The following NUTM2G variants were observed in gnomAD, a reference collection of about 807,000 sequenced individuals.
The protein encoded by NUTM2G is NUT family member 2G, also known as family with sequence similarity 22, member G.
In NUTM2G, 29 loss-of-function variants were observed where a neutral mutation model predicts 44.3. That is an observed-to-expected ratio of 0.66 (90% CI 0.49 to 0.89). The LOEUF (loss-of-function observed/expected upper bound fraction) is 0.89. Ranked by LOEUF, NUTM2G falls within the 40% of genes least tolerant of loss-of-function variation. NUTM2G has a pLI of 0.00. For synonymous variants in NUTM2G, 205 were observed against 395.9 expected (o/e 0.52, Z 5.72); for missense variants, 502 against 946.5 (o/e 0.53, Z 6.16).
intron 1 of NUTM2G, 27 bp downstream of exon 1, chr9:96,929,067 C>G: frequency 6.2e-7 from 1 of 1,610,454 alleles, no homozygotes; most frequent in South Asian, 1.1e-5. Flanking sequence ...GGGGCATTAT[C>G]CTAGTCTGCC....
At chr9:96,933,909 AT>A (rs2119030605) in intron 2 of NUTM2G, 1 of 152,326 alleles carries the variant, frequency 6.6e-6, no homozygotes, top group South Asian at 2.1e-4. Context: ...TTCACCGTCA[AT>A]CCCCCCTAGA....
rs768393315 is a variant in NUTM2G at position 96,935,442 on chromosome 9, C to A, written c.828C>A (p.Tyr276Ter). 1.3e-5 allele frequency: 21 copies of A among 1,611,926 alleles called. No homozygotes were observed. Among genetic ancestry groups the A allele is most frequent in the Admixed American group, 1.0e-4 (6 of 59,998 alleles). Residue 276 changes from tyrosine (Y) to a stop codon, truncating the protein, a stop_gained, in exon 3 of 7, where the codon TAC becomes TAA. Transcript: ENST00000372322. LOFTEE classifies it high-confidence loss of function. ...HTSNFDRMIFYEMAAKFLEFE... is the reference protein window; with the variant it reads ...HTSNFDRMIF The stretch of plus-strand genomic sequence containing the variant: ...GCAACTTTGACCGGATGATTTTCTA[C>A]GAGATGGCGGCAAAGTGAGTCTGGG...
downstream of NUTM2G, chr9:96,940,003 G>C (rs1826556477): frequency 1.3e-5 from 1 of 78,282 alleles, no homozygotes; most frequent in Non-Finnish European, 2.4e-5. Context: ...CTTGCATGGA[G>C]CTCCCCCAAC....
At chr9:96,930,988 C>T (rs987086790) in intron 1 of NUTM2G, among the ~76,000 whole-genome samples, 2 of 144,168 alleles carry the variant, frequency 1.4e-5, no homozygotes, top group African/African-American at 2.5e-5. Context: ...TCTGCCTCCT[C>T]GGTTCAAGCA....
At position 96,932,358 on chromosome 9, in the gene NUTM2G, C is replaced by T. The variant is rs911779313; in HGVS notation, c.653C>T (p.Pro218Leu). 2 of 1,611,350 alleles carry T rather than the reference C, an allele frequency of 1.2e-6. No homozygotes were observed. Among genetic ancestry groups the T allele is most frequent in the African/African-American group, 1.3e-5 (1 of 74,888 alleles). Residue 218 changes from proline to leucine, a missense_variant, in exon 2 of 7, where the codon CCC becomes CTC. Pro to Leu is a moderately conservative substitution (Grantham distance 98). Transcript: ENST00000372322. ...ENFRLWQHYKPLARRHLPQSP... is the reference protein window; with the variant it reads ...ENFRLWQHYKLLARRHLPQSP... ...TTCCGACTCTGGCAGCACTACAAGC[C>T]CCTGGCCCGGAGGCACCTTCCCCAG...
At chr9:96,936,792 C>A (rs900074356) in intron 4 of NUTM2G, among the ~76,000 whole-genome samples, 6 of 152,166 alleles carry the variant, frequency 3.9e-5, no homozygotes, top group African/African-American at 1.2e-4. Context: ...CTTTCTCTCT[C>A]CCCTTGCCTG....
intron 1 of NUTM2G, among the ~76,000 whole-genome samples, chr9:96,931,346 C>T (rs1826238975): frequency 6.6e-6 from 1 of 151,696 alleles, no homozygotes; most frequent in African/African-American, 2.4e-5. Context: ...TGGGGTAGGC[C>T]CCTCACCTGC....
At chr9:96,934,365 G>A (rs1276713545) in intron 2 of NUTM2G, among the ~76,000 whole-genome samples, 2 of 151,998 alleles carry the variant, frequency 1.3e-5, no homozygotes, top group Non-Finnish European at 1.5e-5. Flanking sequence ...AGGCGGTCCC[G>A]TCTTCCTCCC....
chr9:96,940,867 T>C (rs1188536996), downstream of NUTM2G, among the ~76,000 whole-genome samples: 38 of 152,386 alleles, frequency 2.5e-4, no homozygotes, highest in Middle Eastern at 3.4e-3. Context: ...GTGGGCAGTG[T>C]CGGAGGCCTG....
downstream of NUTM2G, among the ~76,000 whole-genome samples, chr9:96,940,963 G>A (rs1826576628): frequency 6.6e-6 from 1 of 151,580 alleles, no homozygotes. Context: ...GGGAAAATGT[G>A]GGGAGTGAAG....
chr9:96,928,907 C>T lies in NUTM2G; in HGVS notation c.-118C>T. On this transcript the variant is annotated 5_prime_UTR_variant, in exon 1 of 7. Coordinates refer to ENST00000372322, the MANE Select transcript of NUTM2G (RefSeq NM_001170741.3). The stretch of plus-strand genomic sequence containing the variant: ...CAAACCTGTTTATATGCAAATTATC[C>T]CTGCTCCACTTGGACTCAGGAGGAT... 1 of 1,125,430 alleles carries T rather than the reference C, an allele frequency of 8.9e-7. No individual in the cohort carries two copies. The highest frequency in any genetic ancestry group is 1.9e-5 in the Admixed American group (1 of 53,746). 69.7% of individuals were successfully genotyped at this position (1,125,430 alleles called of 1,614,324 possible).
chr9:96,929,970 CTATTAT>C (rs916867465), intron 1 of NUTM2G, among the ~76,000 whole-genome samples: 1 of 151,954 alleles, frequency 6.6e-6, no homozygotes, highest in African/African-American at 2.4e-5. Flanking sequence ...GAAGACAGTC[CTATTAT>C]TATTATTATT....
rs541616246 is a variant in NUTM2G at position 96,930,837 on chromosome 9, C to T, written c.17-885C>T. On this transcript the variant is annotated intron_variant, in intron 1 of 6. Coordinates refer to ENST00000372322, the MANE Select transcript of NUTM2G (RefSeq NM_001170741.3). Reference sequence around the variant, plus strand: ...GTGTTATGGGTTATCTTCAGGGTTCCTAGGGCGCTGGCTTGGGCGAGTTTC... The same window carrying T: ...GTGTTATGGGTTATCTTCAGGGTTCTTAGGGCGCTGGCTTGGGCGAGTTTC... Among the ~76,000 whole-genome samples, 34 of 136,660 alleles carry T rather than the reference C, an allele frequency of 2.5e-4. No individual in the cohort carries two copies. The South Asian group carries it at 7.6e-3, about 31-fold the overall frequency. 89.7% of individuals were successfully genotyped at this position (136,660 alleles called of 152,430 possible).
In NUTM2G at chr9:96,931,892, C is replaced by A; in HGVS notation, c.187C>A (p.Pro63Thr). 3 of 1,612,354 alleles carry A rather than the reference C, an allele frequency of 1.9e-6. No individual in the cohort carries two copies. The highest frequency in any genetic ancestry group is 1.7e-6 in the Non-Finnish European group (2 of 1,179,850). ...GGTGCTCTCTGCCTTCCCCAGCACC[C>A]CTCTAGTGGCAGGACAGGATGGCCG... The part of the protein sequence containing the change: ...PLVLSAFPST[P>T]LVAGQDGRGP... The change falls in exon 2 of 7, where the codon CCT (proline) becomes ACT (threonine). Residue 63 changes from proline (P) to threonine (T), a missense_variant. Transcript: ENST00000372322.
chr9:96,929,574 A>G (rs1826175904), intron 1 of NUTM2G, among the ~76,000 whole-genome samples: 2 of 152,134 alleles, frequency 1.3e-5, no homozygotes, highest in South Asian at 2.1e-4. Context: ...GCTGGGGGCC[A>G]CTGTAACTGC....
At chr9:96,933,000 T>C (rs1273079614) in intron 2 of NUTM2G, among the ~76,000 whole-genome samples, 1 of 145,782 alleles carries the variant, frequency 6.9e-6, no homozygotes, top group African/African-American at 2.5e-5. Flanking sequence ...TTTTTTGAGA[T>C]GGAGTCTCAC....
In NUTM2G at chr9:96,937,319, C is replaced by T. The variant is rs375201513; in HGVS notation, c.1238C>T (p.Pro413Leu). ...GQREKGKVEQPQEEDGMTSDP... is the reference protein window; with the variant it reads ...GQREKGKVEQLQEEDGMTSDP... Reference sequence around the variant, plus strand: ...CGGGAAAAGGGCAAAGTGGAGCAGCCGCAGGAAGAGGACGGGATGACCTCA... The same window carrying T: ...CGGGAAAAGGGCAAAGTGGAGCAGCTGCAGGAAGAGGACGGGATGACCTCA... Residue 413 changes from proline (P) to leucine (L), a missense_variant, in exon 5 of 7, where the codon CCG becomes CTG. By Grantham distance (98) the Pro-to-Leu change is moderately conservative (BLOSUM62 -3). Coordinates refer to ENST00000372322, the MANE Select transcript of NUTM2G (RefSeq NM_001170741.3). The T allele has an allele frequency of 1.1e-5, 18 of 1,613,722 alleles. No individual in the cohort carries two copies. Among genetic ancestry groups the T allele is most frequent in the South Asian group, 2.2e-5 (2 of 91,072 alleles).
chr9:96,932,984 T>C (rs1331886125), intron 2 of NUTM2G, among the ~76,000 whole-genome samples: 3 of 148,558 alleles, frequency 2.0e-5, no homozygotes, highest in Non-Finnish European at 3.0e-5. Flanking sequence ...TTTTCTTTTT[T>C]TTTTTTTTTT....
Position 96,938,899 on chromosome 9 carries a change from G to A in NUTM2G, c.1976G>A (p.Gly659Glu), listed in dbSNP as rs766642624. ...LLSPGGRGPQ[G>E]ALQSPSAQKR... ...AGCCCAGGAGGGAGAGGACCCCAGG[G>A]AGCTCTTCAATCTCCATCTGCTCAG... Residue 659 changes from glycine (G) to glutamate (E), a missense_variant, in exon 7 of 7, where the codon GGA (glycine) becomes GAA (glutamate). Coordinates refer to ENST00000372322, the MANE Select transcript of NUTM2G (RefSeq NM_001170741.3). The A allele has an allele frequency of 6.3e-7, 1 of 1,585,530 alleles. No individual in the cohort carries two copies. The highest frequency in any genetic ancestry group is 1.1e-5 in the South Asian group (1 of 88,126).
Sources: allele counts gnomAD v4.1 joint callset (sites outside exome capture counted in the v4.1 genomes callset), GRCh38; gene constraint gnomAD v4.1.1; transcripts MANE v1.5; gene names NCBI Gene and HGNC (gene_info 2026-07-23, HGNC 2026-07-21).